RASSF5: variants seen among roughly 807,000 people sequenced by gnomAD.
The protein encoded by RASSF5 is ras association domain-containing protein 5.
RASSF5 carries 25 observed loss-of-function variants against 40.5 expected under a neutral mutation model. The ratio of observed to expected loss-of-function variants is 0.62; its 90% CI spans 0.45 to 0.86. The LOEUF (loss-of-function observed/expected upper bound fraction) is 0.86, where lower values mean the gene tolerates loss of function less well. RASSF5 is among the 40% of genes least tolerant of loss of function. The pLI is 0.00. For missense variants in RASSF5, 521 were observed against 572.8 expected, an observed-to-expected ratio of 0.91 and a Z score of 0.92; for synonymous variants, 246 against 252.4, an observed-to-expected ratio of 0.97 and a Z score of 0.24.
At chr1:206,515,646 A>G (rs538955605) in intron 1 of RASSF5, among the ~76,000 whole-genome samples, 95 of 152,328 alleles carry the variant, frequency 6.2e-4, no homozygotes, top group Non-Finnish European at 1.1e-3. Context: ...AATCTCAGGC[A>G]GTGATGTGGC....
rs988320210 is a variant in RASSF5, at chr1:206,588,560, C to G, written c.*1582C>G. ...CTGCCTTCCCAAGTCCCTCTTGGGT[C>G]GGTTCAAGCCCAAGCTTGTTCGTGT... On this transcript the variant is annotated 3_prime_UTR_variant, in exon 6 of 6. Coordinates refer to ENST00000579436, the MANE Select transcript of RASSF5 (RefSeq NM_182663.4). 1 of 152,338 alleles carries G rather than the reference C, an allele frequency of 6.6e-6. No individual in the cohort carries two copies. The highest frequency in any genetic ancestry group is 2.4e-5 in the African/African-American group (1 of 41,436). 9.4% of individuals were successfully genotyped at this position (152,338 alleles called of 1,614,324 possible). A position where few individuals can be genotyped will look rare whatever the true frequency, so the allele number is the denominator to read the frequency against.
At chr1:206,529,975 G>C (rs1667194945) in intron 1 of RASSF5, among the ~76,000 whole-genome samples, 1 of 152,122 alleles carries the variant, frequency 6.6e-6, no homozygotes, top group Non-Finnish European at 1.5e-5. Context: ...ATATTGCCCA[G>C]TCATAGTATG....
At chr1:206,550,390 G>T (rs1270874657) in intron 2 of RASSF5, among the ~76,000 whole-genome samples, 2 of 152,174 alleles carry the variant, frequency 1.3e-5, no homozygotes, top group Non-Finnish European at 2.9e-5. Context: ...TGAGGGCAGG[G>T]ATCCTATCTT....
chr1:206,526,008 G>A (rs1035380599), intron 1 of RASSF5, among the ~76,000 whole-genome samples: 5 of 151,982 alleles, frequency 3.3e-5, no homozygotes, highest in African/African-American at 7.3e-5. Context: ...CCTTCTCACC[G>A]GCCTTGGAGG....
chr1:206,561,104 C>T (rs928047845), intron 2 of RASSF5, among the ~76,000 whole-genome samples: 1 of 152,228 alleles, frequency 6.6e-6, no homozygotes, highest in Non-Finnish European at 1.5e-5. Context: ...GACTCTGGCA[C>T]CGGCCCAGAG....
At chr1:206,518,564 A>G in intron 1 of RASSF5, 1 of 398,104 alleles carries the variant, frequency 2.5e-6, no homozygotes, top group Non-Finnish European at 4.4e-6. Context: ...AGCCAATCTG[A>G]CTGGGGGAGC....
intron 2 of RASSF5, among the ~76,000 whole-genome samples, chr1:206,558,627 C>T (rs987212416): frequency 2.0e-4 from 30 of 152,148 alleles, no homozygotes; most frequent in Non-Finnish European, 3.8e-4. Flanking sequence ...ACTCTGAGGC[C>T]TCCTTTGTTA....
In RASSF5 at chr1:206,587,181, C is replaced by A. The variant is rs1029730969; in HGVS notation, c.*203C>A. 3 of 582,534 alleles carry A rather than the reference C, an allele frequency of 5.1e-6. No individual in the cohort carries two copies. Among genetic ancestry groups the A allele is most frequent in the African/African-American group, 3.7e-5 (2 of 53,756 alleles). 36.1% of individuals were successfully genotyped at this position (582,534 alleles called of 1,614,324 possible). ...TGCCCGCCCCCAGGCTGTGCCCCAC[C>A]ACAGATTCTGCCAAGGATCAGAACT... On this transcript the variant is annotated 3_prime_UTR_variant, in exon 6 of 6. Coordinates refer to ENST00000579436, the MANE Select transcript of RASSF5 (RefSeq NM_182663.4).
In RASSF5 at chr1:206,584,275, G is replaced by C; in HGVS notation, c.691-112G>C. On this transcript the variant is annotated intron_variant, in intron 3 of 5. Transcript: ENST00000579436. This position sits in a 1 kb window ranked among gnomAD's most constrained non-coding sequence, Gnocchi z 4.9. The stretch of plus-strand genomic sequence containing the variant: ...CAGCTCTCCCACGTCAGCAGAGGCA[G>C]GAAAGAACTCAAGGAGACAGGTGGG... 1.9e-6 allele frequency: 2 copies of C among 1,051,750 alleles called. No homozygotes were observed. Among genetic ancestry groups the C allele is most frequent in the Non-Finnish European group, 2.7e-6 (2 of 731,288 alleles). The allele number at this position is 1,051,750 out of a possible 1,614,324, so 65.2% of individuals were successfully genotyped here. A position where few individuals can be genotyped will look rare whatever the true frequency, so the allele number is the denominator to read the frequency against.
chr1:206,527,692 C>T (rs1175481139), intron 1 of RASSF5, among the ~76,000 whole-genome samples: 2 of 152,128 alleles, frequency 1.3e-5, no homozygotes, highest in African/African-American at 4.8e-5. Flanking sequence ...GTGGGGTACT[C>T]TCCCTGCTCC....
intron 1 of RASSF5, among the ~76,000 whole-genome samples, chr1:206,517,326 T>C (rs191951041): frequency 6.6e-6 from 1 of 151,994 alleles, no homozygotes; most frequent in African/African-American, 2.4e-5. Flanking sequence ...AATATAAAAA[T>C]TAGCTGGGTG....
chr1:206,566,107 G>A (rs1356457204), intron 2 of RASSF5, among the ~76,000 whole-genome samples: 1 of 152,184 alleles, frequency 6.6e-6, no homozygotes, highest in African/African-American at 2.4e-5. Context: ...CGGAATTTCT[G>A]CTACCATCAA....
intron 1 of RASSF5, among the ~76,000 whole-genome samples, chr1:206,522,405 G>C (rs551029726): frequency 6.6e-6 from 1 of 152,298 alleles, no homozygotes; most frequent in South Asian, 2.1e-4. Flanking sequence ...ACTGTGCTGT[G>C]TCTTTGCACT....
chr1:206,585,482 C>T, intron 5 of RASSF5, 187 bp downstream of exon 5: 1 of 540,414 alleles, frequency 1.9e-6, no homozygotes, highest in Non-Finnish European at 3.4e-6. Flanking sequence ...CTCTGAACAC[C>T]CTGGGGTAGC....
rs12730496 is a variant in RASSF5, at chr1:206,531,715, T to C, written c.458-6457T>C. Among the ~76,000 whole-genome samples the C allele has an allele frequency of 0.018, 2,738 of 152,188 alleles. 171 individuals carry two copies. The East Asian group carries it at 0.23, about 13-fold the overall frequency. ...ATGGTGACAGTCCCCACTGACTTATTCAAGAGGATCAGGACAAGCTTTACA... is the reference window on the plus strand; with the variant it reads ...ATGGTGACAGTCCCCACTGACTTATCCAAGAGGATCAGGACAAGCTTTACA... On this transcript the variant is annotated intron_variant, in intron 1 of 5. Coordinates refer to ENST00000579436, the MANE Select transcript of RASSF5 (RefSeq NM_182663.4). The surrounding 1 kb of genome is among the most constrained non-coding windows in gnomAD (Gnocchi z 4.7).
intron 1 of RASSF5, among the ~76,000 whole-genome samples, chr1:206,521,597 G>A (rs1270837202): frequency 1.3e-5 from 2 of 152,158 alleles, no homozygotes; most frequent in African/African-American, 2.4e-5. Flanking sequence ...CTTATCTTTG[G>A]GGTCTGTGGC....
At chr1:206,532,907 T>C (rs1553398142) in intron 1 of RASSF5, among the ~76,000 whole-genome samples, 1 of 152,216 alleles carries the variant, frequency 6.6e-6, no homozygotes, top group Non-Finnish European at 1.5e-5. Flanking sequence ...AACATACCCA[T>C]TTTCTAGTTC....
chr1:206,532,923 A>G (rs1256563752), intron 1 of RASSF5, among the ~76,000 whole-genome samples: 1 of 152,196 alleles, frequency 6.6e-6, no homozygotes, highest in Non-Finnish European at 1.5e-5. Context: ...AGTTCAGAAA[A>G]TAGCCACTCA....
At chr1:206,557,443 C>T in intron 2 of RASSF5, 1 of 1,435,776 alleles carries the variant, frequency 7.0e-7, no homozygotes, top group East Asian at 2.6e-5. Flanking sequence ...CCGACCAGCT[C>T]CCGGCTCGGG....
Sources: gnomAD v4.1 joint callset for allele counts (sites outside exome capture counted in the v4.1 genomes callset) on GRCh38, gnomAD v4.1.1 for gene constraint, Gnocchi (gnomAD v3.1) non-coding constraint, MANE v1.5 for transcripts, NCBI Gene and HGNC (gene_info 2026-07-23, HGNC 2026-07-21) for gene names.